Variants in PSMD9 observed in about 807,000 individuals in gnomAD.
PSMD9 encodes proteasome 26S subunit, non-ATPase 9, also known as 26S proteasome non-ATPase regulatory subunit 9.
In PSMD9, 26 loss-of-function variants were observed where a neutral mutation model predicts 25.9. The observed-to-expected ratio is 1.00, with a 90% CI of 0.73 to 1.39. PSMD9 has a LOEUF of 1.39. PSMD9 is among the 40% of genes most tolerant of loss of function. PSMD9 has a pLI of 0.00. For synonymous variants in PSMD9, 110 were observed against 114.5 expected (o/e 0.96, Z 0.25); for missense variants, 303 against 299.3 (o/e 1.01, Z -0.09).
intron 4 of PSMD9, among the ~76,000 whole-genome samples, chr12:121,904,780 C>T (rs540515939): frequency 6.7e-6 from 1 of 149,810 alleles, no homozygotes; most frequent in South Asian, 2.1e-4. Context: ...GCCTCAGCCT[C>T]CTGAGTAGCT....
Position 121,888,835 on chromosome 12 carries a change from G to A in PSMD9, c.-22G>A, listed in dbSNP as rs766196168. The stretch of plus-strand genomic sequence containing the variant: ...CCCTAGCCCGGGAGCCGGGTCTCTG[G>A]AGTCGCGGCCCGGGGTTCACGATGT... On this transcript the variant is annotated 5_prime_UTR_variant, in exon 1 of 6. Transcript: ENST00000541212. 2 of 1,595,714 alleles carry A rather than the reference G, an allele frequency of 1.3e-6. No individual in the cohort carries two copies. Among genetic ancestry groups the A allele is most frequent in the Non-Finnish European group, 1.7e-6 (2 of 1,172,418 alleles).
Position 121,888,820 on chromosome 12 carries a change from G to A in PSMD9, c.-37G>A. On this transcript the variant is annotated 5_prime_UTR_variant, in exon 1 of 6. Coordinates refer to ENST00000541212, the MANE Select transcript of PSMD9 (RefSeq NM_002813.7). ...CGACTGGGGCGTCGTCCCTAGCCCGGGAGCCGGGTCTCTGGAGTCGCGGCC... is the reference window on the plus strand; with the variant it reads ...CGACTGGGGCGTCGTCCCTAGCCCGAGAGCCGGGTCTCTGGAGTCGCGGCC... 6.3e-7 allele frequency: 1 copy of A among 1,586,852 alleles called. No individual in the cohort carries two copies. The highest frequency in any genetic ancestry group is 8.6e-7 in the Non-Finnish European group (1 of 1,167,722).
At chr12:121,896,895 G>T (rs1021890614) in intron 2 of PSMD9, among the ~76,000 whole-genome samples, 3 of 151,628 alleles carry the variant, frequency 2.0e-5, no homozygotes, top group African/African-American at 4.8e-5. Flanking sequence ...AGGTCCTTTG[G>T]CTTCTGTATG....
At chr12:121,908,767 C>T (rs572015128) in intron 4 of PSMD9, among the ~76,000 whole-genome samples, 24 of 152,178 alleles carry the variant, frequency 1.6e-4, no homozygotes, top group African/African-American at 3.9e-4. Context: ...CAGGAAGTGA[C>T]CTTCAGATGT....
At chr12:121,906,855 A>G (rs1368141816) in intron 4 of PSMD9, among the ~76,000 whole-genome samples, 1 of 149,690 alleles carries the variant, frequency 6.7e-6, no homozygotes, top group African/African-American at 2.4e-5. Context: ...CTCTCCAGCT[A>G]CTTGGGAGGC....
intron 4 of PSMD9, among the ~76,000 whole-genome samples, chr12:121,913,035 G>T (rs1257199778): frequency 3.3e-5 from 5 of 149,304 alleles, no homozygotes; most frequent in Admixed American, 2.0e-4. Context: ...CTCCTGGGTT[G>T]ACGCCATTCT....
chr12:121,888,831 T>C lies in PSMD9; in HGVS notation c.-26T>C. On this transcript the variant is annotated 5_prime_UTR_variant, in exon 1 of 6. Transcript: ENST00000541212. ...TCGTCCCTAGCCCGGGAGCCGGGTC[T>C]CTGGAGTCGCGGCCCGGGGTTCACG... The C allele has an allele frequency of 1.9e-6, 3 of 1,594,094 alleles. No individual in the cohort carries two copies. The highest frequency in any genetic ancestry group is 1.3e-5 in the African/African-American group (1 of 74,778).
intron 4 of PSMD9, among the ~76,000 whole-genome samples, chr12:121,909,799 C>T (rs549173257): frequency 8.5e-5 from 13 of 152,250 alleles, no homozygotes; most frequent in African/African-American, 2.6e-4. Context: ...CTCCCATGTT[C>T]GACATTTAGG....
At chr12:121,897,280 T>G (rs1565891246) in intron 2 of PSMD9, 1 of 152,126 alleles carries the variant, frequency 6.6e-6, no homozygotes, top group Non-Finnish European at 1.5e-5. Flanking sequence ...ATTTTTTTTT[T>G]TTTTTTGAGA....
intron 2 of PSMD9, among the ~76,000 whole-genome samples, chr12:121,896,341 A>G (rs1221239660): frequency 1.3e-5 from 2 of 152,012 alleles, no homozygotes; most frequent in Non-Finnish European, 2.9e-5. Context: ...GTGGTGGCAC[A>G]TGCCTGTAAT....
At chr12:121,899,474 C>T (rs1347126144) in intron 2 of PSMD9, 160 bp from the exon 3 acceptor site, 18 of 655,446 alleles carry the variant, frequency 2.7e-5, no homozygotes, top group Non-Finnish European at 4.5e-5. Context: ...ACTGAATGCT[C>T]CATGAGGGAA....
chr12:121,894,485 C>T (rs1376749834), intron 1 of PSMD9: 9 of 409,556 alleles, frequency 2.2e-5, no homozygotes, highest in Middle Eastern at 7.4e-4. Flanking sequence ...TTGGTTTTAT[C>T]GGCACTGTTT....
chr12:121,896,856 AAAG>A (rs1223307742), intron 2 of PSMD9, among the ~76,000 whole-genome samples: 1 of 151,836 alleles, frequency 6.6e-6, no homozygotes, highest in Non-Finnish European at 1.5e-5. Flanking sequence ...AAAAAAAAGA[AAAG>A]AAAAAAAAAT....
At chr12:121,908,459 G>A (rs558079654) in intron 4 of PSMD9, among the ~76,000 whole-genome samples, 114 of 152,250 alleles carry the variant, frequency 7.5e-4, no homozygotes, top group African/African-American at 2.5e-3. Flanking sequence ...GATTATAGGC[G>A]TGAGCCACTG....
intron 2 of PSMD9, 32 bp downstream of exon 2, chr12:121,894,873 C>T: frequency 6.4e-7 from 1 of 1,574,508 alleles, no homozygotes; most frequent in Non-Finnish European, 8.7e-7. Context: ...CTTTCCCCAC[C>T]TTGTGGTGGG....
rs71453586 is a variant in PSMD9 at position 121,912,006 on chromosome 12, C to CTTATTTATTTAT, written c.556-3807_556-3796dup. On this transcript the variant is annotated intron_variant, in intron 4 of 5. Coordinates refer to ENST00000541212, the MANE Select transcript of PSMD9 (RefSeq NM_002813.7). ...CTTCCAGGTTTCTGGAATGAGCTTG[C>CTTATTTATTTAT]TTATTTATTTATTTATTTATTTATT... Among the ~76,000 whole-genome samples, 420 of 136,580 alleles carry CTTATTTATTTAT rather than the reference C, an allele frequency of 3.1e-3. 4 individuals are homozygous for CTTATTTATTTAT. The highest frequency in any genetic ancestry group is 8.4e-3 in the African/African-American group (299 of 35,654). The allele number at this position is 136,580 out of a possible 152,430, so 89.6% of individuals were successfully genotyped here.
At position 121,916,393 on chromosome 12, in the gene PSMD9, C is replaced by T; in HGVS notation, c.*82C>T. 1 of 1,524,914 alleles carries T rather than the reference C, an allele frequency of 6.6e-7. No homozygotes were observed. The highest frequency in any genetic ancestry group is 9.1e-7 in the Non-Finnish European group (1 of 1,099,080). The allele number at this position is 1,524,914 out of a possible 1,614,324, so 94.5% of individuals were successfully genotyped here. On this transcript the variant is annotated 3_prime_UTR_variant, in exon 6 of 6. Transcript: ENST00000541212. ...AGGGATTTCCAACTTGTCTTCTCTC[C>T]CTGAAGCATAAGGATCTGGAAGAGG...
intron 4 of PSMD9, among the ~76,000 whole-genome samples, chr12:121,907,845 G>C (rs1435291252): frequency 2.6e-5 from 4 of 152,120 alleles, no homozygotes; most frequent in Admixed American, 6.6e-5. Context: ...TTTGAGACCA[G>C]CCTGGGCAAT....
At chr12:121,913,112 G>T (rs776593435) in intron 4 of PSMD9, among the ~76,000 whole-genome samples, 128 of 151,390 alleles carry the variant, frequency 8.5e-4, no homozygotes, top group Non-Finnish European at 1.3e-3. Context: ...AATTTTTTTT[G>T]TGTGTGTATT....
Sources: allele counts gnomAD v4.1 joint callset (sites outside exome capture counted in the v4.1 genomes callset), GRCh38; gene constraint gnomAD v4.1.1; transcripts MANE v1.5; gene names NCBI Gene and HGNC (gene_info 2026-07-23, HGNC 2026-07-21).